NAALADL2: variants seen among roughly 807,000 people sequenced by gnomAD.
The protein encoded by NAALADL2 is inactive N-acetylated-alpha-linked acidic dipeptidase-like protein 2.
NAALADL2 carries 76 observed loss-of-function variants against 87.2 expected under a neutral mutation model. The ratio of observed to expected loss-of-function variants is 0.87; its 90% CI spans 0.72 to 1.05. NAALADL2 has a LOEUF of 1.05. Ranked by LOEUF, NAALADL2 falls within the 50% of genes least tolerant of loss-of-function variation. The pLI is 0.00. For missense variants in NAALADL2, 1,089 were observed against 945.8 expected (o/e 1.15, Z -1.99); for synonymous variants, 354 against 331.0 (o/e 1.07, Z -0.75).
At chr3:174,669,915 A>C (rs1197670043) in intron 2 of NAALADL2, among the ~76,000 whole-genome samples, 1 of 151,814 alleles carries the variant, frequency 6.6e-6, no homozygotes, top group Non-Finnish European at 1.5e-5. Context: ...ATTTCTTTCA[A>C]CAATGTTTTC....
At chr3:175,517,653 G>C (rs988330819) in intron 9 of NAALADL2, among the ~76,000 whole-genome samples, 2 of 152,090 alleles carry the variant, frequency 1.3e-5, no homozygotes, top group South Asian at 4.2e-4. Flanking sequence ...GTTGTCTGTG[G>C]TAAATCCTCG....
intron 2 of NAALADL2, among the ~76,000 whole-genome samples, chr3:175,165,820 C>T (rs761329976): frequency 9.9e-5 from 15 of 152,058 alleles, no homozygotes; most frequent in Non-Finnish European, 1.5e-4. Context: ...AGAGACACCT[C>T]GGATTCCAGG....
intron 4 of NAALADL2, among the ~76,000 whole-genome samples, chr3:175,316,781 T>A (rs999154448): frequency 4.6e-5 from 7 of 152,164 alleles, no homozygotes; most frequent in African/African-American, 1.7e-4. Flanking sequence ...CCTCAGCATG[T>A]TCAAAATGTA....
chr3:175,248,121 G>C (rs1446242203), intron 3 of NAALADL2, among the ~76,000 whole-genome samples: 1 of 152,136 alleles, frequency 6.6e-6, no homozygotes, highest in Non-Finnish European at 1.5e-5. Flanking sequence ...ATAACAATGT[G>C]ATGAAAAATT....
chr3:175,122,995 A>T (rs972192017), intron 2 of NAALADL2, among the ~76,000 whole-genome samples: 2 of 151,862 alleles, frequency 1.3e-5, no homozygotes, highest in African/African-American at 4.8e-5. Flanking sequence ...TAAGGAACCC[A>T]TTCCTATGAT....
At chr3:174,681,555 G>C (rs1727541389) in intron 2 of NAALADL2, among the ~76,000 whole-genome samples, 1 of 152,150 alleles carries the variant, frequency 6.6e-6, no homozygotes, top group African/African-American at 2.4e-5. Flanking sequence ...ATTCCAGGCT[G>C]TAGATCCTGG....
chr3:175,033,506 G>A (rs1160231507), intron 1 of NAALADL2, among the ~76,000 whole-genome samples: 1 of 151,982 alleles, frequency 6.6e-6, no homozygotes, highest in Admixed American at 6.6e-5. Context: ...ATTTATTCCC[G>A]GTATGTGTCA....
chr3:175,575,166 T>G (rs1051854354), intron 9 of NAALADL2, among the ~76,000 whole-genome samples: 1 of 152,240 alleles, frequency 6.6e-6, no homozygotes, highest in African/African-American at 2.4e-5. Context: ...AACTTAGCTG[T>G]GTGGTTCACT....
intron 3 of NAALADL2, among the ~76,000 whole-genome samples, chr3:174,794,887 C>A (rs1013630718): frequency 1.4e-5 from 2 of 148,018 alleles, no homozygotes; most frequent in African/African-American, 5.0e-5. Flanking sequence ...ATTTGCATCA[C>A]GGAAAAGTTA....
At chr3:174,667,265 A>G (rs1489076679) in intron 2 of NAALADL2, among the ~76,000 whole-genome samples, 1 of 152,180 alleles carries the variant, frequency 6.6e-6, no homozygotes, top group Non-Finnish European at 1.5e-5. Flanking sequence ...GAGGAGTCCA[A>G]TTAACAAGAG....
chr3:174,716,269 G>A (rs1326153624), intron 2 of NAALADL2, among the ~76,000 whole-genome samples: 1 of 152,078 alleles, frequency 6.6e-6, no homozygotes, highest in Non-Finnish European at 1.5e-5. Context: ...AGCCAGATCA[G>A]CCAACTAACC....
At chr3:175,439,736 T>TC (rs895323150) in intron 5 of NAALADL2, among the ~76,000 whole-genome samples, 1 of 147,458 alleles carries the variant, frequency 6.8e-6, no homozygotes, top group African/African-American at 2.5e-5. Flanking sequence ...TTTTTCTTTT[T>TC]TTTCTTTTTT....
At chr3:175,764,855 C>G in intron 13 of NAALADL2, among the ~76,000 whole-genome samples, 1 of 152,058 alleles carries the variant, frequency 6.6e-6, no homozygotes, top group East Asian at 1.9e-4. Context: ...TAACAATGAT[C>G]TCATTATACA....
At chr3:175,730,964 AT>A (rs1458634606) in intron 11 of NAALADL2, among the ~76,000 whole-genome samples, 1 of 152,198 alleles carries the variant, frequency 6.6e-6, no homozygotes, top group Non-Finnish European at 1.5e-5. Flanking sequence ...GAAATAAGAT[AT>A]TACAGGTATT....
intron 3 of NAALADL2, among the ~76,000 whole-genome samples, chr3:174,826,153 C>T (rs186954200): frequency 2.0e-3 from 312 of 152,290 alleles, no homozygotes; most frequent in Non-Finnish European, 3.5e-3. Context: ...CTGCTCTTTC[C>T]TTACAAAACC....
At chr3:174,761,668 A>C (rs1712979764) in intron 3 of NAALADL2, among the ~76,000 whole-genome samples, 7 of 152,168 alleles carry the variant, frequency 4.6e-5, no homozygotes, top group Admixed American at 3.9e-4. Flanking sequence ...CACAATGTGC[A>C]GGTTTGTTAC....
chr3:175,216,580 A>G (rs1156953062), intron 2 of NAALADL2, among the ~76,000 whole-genome samples: 1 of 151,930 alleles, frequency 6.6e-6, no homozygotes, highest in African/African-American at 2.4e-5. Context: ...TTAGTGAGGT[A>G]CAGAACTCTT....
chr3:175,411,950 A>T (rs1713603935), intron 5 of NAALADL2, among the ~76,000 whole-genome samples: 1 of 151,984 alleles, frequency 6.6e-6, no homozygotes, highest in South Asian at 2.1e-4. Context: ...GAGTCAAATT[A>T]TGAGATCACA....
chr3:175,649,507 T>C (rs1488625179), intron 11 of NAALADL2, among the ~76,000 whole-genome samples: 1 of 152,144 alleles, frequency 6.6e-6, no homozygotes, highest in Admixed American at 6.5e-5. Flanking sequence ...TAAATTAGTT[T>C]TCTCATAGTT....
Sources: gnomAD v4.1 joint callset for allele counts (sites outside exome capture counted in the v4.1 genomes callset) on GRCh38, gnomAD v4.1.1 for gene constraint, MANE v1.5 for transcripts, NCBI Gene and HGNC (gene_info 2026-07-23, HGNC 2026-07-21) for gene names.